STPG2: variants seen among roughly 807,000 people sequenced by gnomAD.
STPG2 encodes the protein sperm tail PG-rich repeat containing 2.
In STPG2, 56 loss-of-function variants were observed where a neutral mutation model predicts 54.2. The ratio of observed to expected loss-of-function variants is 1.03; its 90% CI spans 0.83 to 1.29. STPG2 has a LOEUF of 1.29. Ranked by LOEUF, STPG2 falls within the 50% of genes most tolerant of loss-of-function variation. The probability of loss-of-function intolerance (pLI) is 0.00; values close to 1 mark genes in which losing one functional copy is unlikely to be tolerated. For missense variants in STPG2, 596 were observed against 544.9 expected (o/e 1.09, Z -0.93); for synonymous variants, 200 against 181.8 (o/e 1.10, Z -0.81).
intron 8 of STPG2, among the ~76,000 whole-genome samples, chr4:97,897,521 TAACA>T (rs1193735323): frequency 6.6e-6 from 1 of 152,052 alleles, no homozygotes; most frequent in Non-Finnish European, 1.5e-5. Flanking sequence ...ACACTCCCAC[TAACA>T]GTGTGTTAGC....
At chr4:97,567,029 T>C (rs1732470391) in intron 10 of STPG2, among the ~76,000 whole-genome samples, 1 of 151,280 alleles carries the variant, frequency 6.6e-6, no homozygotes, top group South Asian at 2.1e-4. Context: ...ACTTAAAGTA[T>C]AATAATAATA....
intron 5 of STPG2, among the ~76,000 whole-genome samples, chr4:98,103,572 C>T (rs774419438): frequency 1.5e-4 from 22 of 151,358 alleles, no homozygotes; most frequent in Non-Finnish European, 2.2e-4. Context: ...ACCCAGGAGG[C>T]GGAGGTTGCA....
intron 7 of STPG2, among the ~76,000 whole-genome samples, chr4:97,964,177 C>G (rs2149250414): frequency 6.6e-6 from 1 of 152,238 alleles, no homozygotes; most frequent in Non-Finnish European, 1.5e-5. Context: ...GCATAACAAA[C>G]AGCATGAGAA....
intron 4 of STPG2, among the ~76,000 whole-genome samples, chr4:97,473,098 A>T (rs1459480270): frequency 4.6e-5 from 7 of 151,882 alleles, no homozygotes; most frequent in African/African-American, 9.7e-5. Flanking sequence ...GATGTATGTC[A>T]CCTCAGGACC....
intron 4 of STPG2, among the ~76,000 whole-genome samples, chr4:97,530,498 ATGTG>A (rs538280530): frequency 0.01 from 1,553 of 149,322 alleles, 27 homozygotes; most frequent in African/African-American, 0.035. Context: ...GAAAACCAAA[ATGTG>A]TGTGTGTGTG....
chr4:97,658,151 T>C (rs1722269809), intron 10 of STPG2, among the ~76,000 whole-genome samples: 1 of 152,222 alleles, frequency 6.6e-6, no homozygotes, highest in African/African-American at 2.4e-5. Flanking sequence ...AGTGTCAATA[T>C]TTCAAGTGAT....
intron 5 of STPG2, among the ~76,000 whole-genome samples, chr4:97,995,359 G>A (rs774543432): frequency 7.2e-5 from 11 of 152,024 alleles, no homozygotes; most frequent in Non-Finnish European, 1.2e-4. Context: ...TGGCTTTCCC[G>A]GTATGTTTCT....
At chr4:97,741,566 C>A (rs538549831) in intron 9 of STPG2, among the ~76,000 whole-genome samples, 175 of 152,276 alleles carry the variant, frequency 1.1e-3, no homozygotes, top group African/African-American at 4.0e-3. Context: ...CATGAACAGA[C>A]ACTTCTCAAA....
downstream of STPG2, among the ~76,000 whole-genome samples, chr4:97,554,251 G>T (rs999293616): frequency 6.6e-6 from 1 of 152,060 alleles, no homozygotes; most frequent in African/African-American, 2.4e-5. Context: ...TATGACTTAT[G>T]GCATCTACCA....
intron 4 of STPG2, among the ~76,000 whole-genome samples, chr4:97,501,536 C>T (rs1162719794): frequency 1.3e-5 from 2 of 151,458 alleles, no homozygotes; most frequent in Non-Finnish European, 3.0e-5. Context: ...AAAAAAAATA[C>T]ACAAAAGAAA....
chr4:98,022,041 TGA>T (rs1736224438), intron 5 of STPG2, among the ~76,000 whole-genome samples: 1 of 151,900 alleles, frequency 6.6e-6, no homozygotes, highest in South Asian at 2.1e-4. Flanking sequence ...TTGTTATGTG[TGA>T]ATTTGATCCT....
At chr4:97,617,466 C>T (rs931197468) in intron 10 of STPG2, among the ~76,000 whole-genome samples, 19 of 152,164 alleles carry the variant, frequency 1.2e-4, no homozygotes, top group Non-Finnish European at 5.9e-5. Flanking sequence ...GGGAAGTACA[C>T]AGGAACTTTC....
chr4:97,533,336 C>T (rs1017438586), intron 4 of STPG2, among the ~76,000 whole-genome samples: 1 of 151,934 alleles, frequency 6.6e-6, no homozygotes, highest in Non-Finnish European at 1.5e-5. Flanking sequence ...TTCTATTATC[C>T]TGAAATATCA....
intron 8 of STPG2, among the ~76,000 whole-genome samples, chr4:97,943,490 C>T (rs1037188153): frequency 3.3e-5 from 5 of 152,020 alleles, no homozygotes; most frequent in African/African-American, 9.7e-5. Context: ...ATTTAACATA[C>T]AGGTCAACAG....
At position 98,059,564 on chromosome 4, in the gene STPG2, C is replaced by T. The variant is rs368810988; in HGVS notation, c.612+46389G>A. Among the ~76,000 whole-genome samples, 41 of 151,354 alleles carry T rather than the reference C, an allele frequency of 2.7e-4. No homozygotes were observed. In the South Asian group the frequency reaches 7.3e-3, roughly 27 times the overall value. The stretch of plus-strand genomic sequence containing the variant: ...CCAAATCATTCTATGAGGCCAATAT[C>T]ATCCTCATACCAAAACCTGGAAGAG... On this transcript the variant is annotated intron_variant, in intron 5 of 10. Transcript: ENST00000295268.
intron 5 of STPG2, among the ~76,000 whole-genome samples, chr4:98,104,652 T>A (rs1739138383): frequency 6.6e-6 from 1 of 152,224 alleles, no homozygotes; most frequent in Non-Finnish European, 1.5e-5. Flanking sequence ...AGACTTGTTT[T>A]CACAGAGTTG....
intron 5 of STPG2, among the ~76,000 whole-genome samples, chr4:98,042,286 T>A (rs1478290187): frequency 6.6e-6 from 1 of 151,892 alleles, no homozygotes; most frequent in African/African-American, 2.4e-5. Flanking sequence ...ACTTTTCATT[T>A]CATTGATTTT....
At chr4:98,033,110 T>C (rs981564696) in intron 5 of STPG2, among the ~76,000 whole-genome samples, 5 of 130,722 alleles carry the variant, frequency 3.8e-5, no homozygotes, top group Non-Finnish European at 5.0e-5. Flanking sequence ...CTGAAGAAGA[T>C]AGAAACACAC....
At chr4:97,903,140 C>A (rs1399303401) in intron 8 of STPG2, among the ~76,000 whole-genome samples, 2 of 152,008 alleles carry the variant, frequency 1.3e-5, no homozygotes, top group African/African-American at 4.8e-5. Flanking sequence ...ACACCTACCG[C>A]ACAGCATAGT....
Sources: gnomAD v4.1 joint callset for allele counts (sites outside exome capture counted in the v4.1 genomes callset) on GRCh38, gnomAD v4.1.1 for gene constraint, MANE v1.5 for transcripts, NCBI Gene and HGNC (gene_info 2026-07-23, HGNC 2026-07-21) for gene names.